The following FMN1 variants were observed in gnomAD, a reference collection of about 807,000 sequenced individuals.
FMN1 encodes formin 1.
In FMN1, 110 loss-of-function variants were observed where a neutral mutation model predicts 132.4. The observed-to-expected ratio is 0.83, with a 90% CI of 0.71 to 0.97. The LOEUF (loss-of-function observed/expected upper bound fraction) is 0.97, where lower values mean the gene tolerates loss of function less well. FMN1 is among the 50% of genes least tolerant of loss of function. FMN1 has a pLI of 0.00. For synonymous variants in FMN1, 722 were observed against 651.7 expected (o/e 1.11, Z -1.64); for missense variants, 1,792 against 1,705.3 (o/e 1.05, Z -0.90).
At chr15:32,948,402 G>A (rs1465052217) in intron 9 of FMN1, among the ~76,000 whole-genome samples, 3 of 151,804 alleles carry the variant, frequency 2.0e-5, no homozygotes, top group Non-Finnish European at 4.4e-5. Flanking sequence ...GCCCTTGTCT[G>A]GTTGTGCTAT....
Position 32,886,574 on chromosome 15 carries a change from C to T in FMN1, c.3835+1598G>A, listed in dbSNP as rs77978584. Among the ~76,000 whole-genome samples, 945 of 152,232 alleles carry T rather than the reference C, an allele frequency of 6.2e-3. 12 individuals carry two copies. Among genetic ancestry groups the T allele is most frequent in the African/African-American group, 0.022 (900 of 41,544 alleles). On this transcript the variant is annotated intron_variant, in intron 16 of 20. Coordinates refer to ENST00000616417, the MANE Select transcript of FMN1 (RefSeq NM_001277313.2). ...TATCCTCTTGCTATTTATCATCAAA[C>T]GTACAGGGACGTCAAAGTGAGGCAG...
intron 4 of FMN1, among the ~76,000 whole-genome samples, chr15:33,139,567 G>A (rs1261176051): frequency 6.6e-6 from 1 of 152,188 alleles, no homozygotes; most frequent in Non-Finnish European, 1.5e-5. Context: ...CTCCAGCCAG[G>A]GCGACAGAGC....
At chr15:32,815,143 C>A (rs552898417) in intron 17 of FMN1, among the ~76,000 whole-genome samples, 1 of 152,068 alleles carries the variant, frequency 6.6e-6, no homozygotes, top group Admixed American at 6.6e-5. Flanking sequence ...GGGGTTTCCC[C>A]GTGTTAGCCA....
chr15:32,821,026 GATT>G (rs746777817), intron 17 of FMN1, among the ~76,000 whole-genome samples: 96 of 150,812 alleles, frequency 6.4e-4, no homozygotes, highest in South Asian at 2.3e-3. Flanking sequence ...TTGTCCTTTA[GATT>G]ATTATTTGAA....
At chr15:33,013,868 A>C (rs1209058696) in intron 6 of FMN1, among the ~76,000 whole-genome samples, 1 of 152,236 alleles carries the variant, frequency 6.6e-6, no homozygotes, top group Non-Finnish European at 1.5e-5. Flanking sequence ...CTACATTCTA[A>C]ATAGAAATTA....
intron 6 of FMN1, among the ~76,000 whole-genome samples, chr15:33,023,736 CA>C (rs1351116180): frequency 2.0e-5 from 3 of 151,824 alleles, no homozygotes; most frequent in African/African-American, 4.8e-5. Context: ...AAAAAAATAC[CA>C]AAAAATAGAG....
At chr15:33,148,149 T>A (rs1204480047) in intron 4 of FMN1, among the ~76,000 whole-genome samples, 1 of 152,204 alleles carries the variant, frequency 6.6e-6, no homozygotes, top group Non-Finnish European at 1.5e-5. Context: ...TATACCCATA[T>A]ACCACATAAA....
intron 7 of FMN1, among the ~76,000 whole-genome samples, chr15:32,978,319 T>C (rs982408145): frequency 6.6e-6 from 1 of 152,224 alleles, no homozygotes; most frequent in African/African-American, 2.4e-5. Context: ...AACAAAATTG[T>C]AGCCAGAGTG....
In FMN1 at chr15:33,064,993, T is replaced by C. The variant is rs767047762; in HGVS notation, c.2125A>G (p.Thr709Ala). The change falls in exon 6 of 21, where the codon ACA becomes GCA. Residue 709 changes from threonine (T) to alanine (A), a missense_variant. Physicochemically the swap from Thr to Ala is moderately conservative, Grantham distance 58. Around this residue, in one of 3 missense-constraint regions of FMN1, gnomAD observed 1,150 missense variants for 1,043.1 expected, o/e 1.10. Coordinates refer to ENST00000616417, the MANE Select transcript of FMN1 (RefSeq NM_001277313.2). The stretch of plus-strand genomic sequence containing the variant: ...TACTTCAGTCCCACTTTTTCTTCTG[T>C]GTCTTTTGTCTTTGGGGGTGGCCAG... ...AVWPPPKTKD[T>A]EEKVGLKYTE... 1.2e-6 allele frequency: 2 copies of C among 1,612,262 alleles called. No individual in the cohort carries two copies. Among genetic ancestry groups the C allele is most frequent in the South Asian group, 1.1e-5 (1 of 90,560 alleles).
At chr15:33,118,022 T>C (rs1468889276) in intron 4 of FMN1, among the ~76,000 whole-genome samples, 1 of 152,182 alleles carries the variant, frequency 6.6e-6, no homozygotes, top group East Asian at 1.9e-4. Flanking sequence ...AATGATATAG[T>C]GTGTTGTGAA....
At chr15:32,870,337 T>C (rs1275191167) in intron 16 of FMN1, among the ~76,000 whole-genome samples, 1 of 152,178 alleles carries the variant, frequency 6.6e-6, no homozygotes, top group Non-Finnish European at 1.5e-5. Flanking sequence ...GAATGTTCCA[T>C]AAAAATAAAC....
At chr15:32,926,063 T>C in intron 10 of FMN1, 111 bp downstream of exon 10, 1 of 664,196 alleles carries the variant, frequency 1.5e-6, no homozygotes, top group South Asian at 1.9e-5. Flanking sequence ...GAGTATTGGG[T>C]ATATAGGATT....
chr15:32,780,265 G>A (rs1266387991), intron 19 of FMN1, among the ~76,000 whole-genome samples: 1 of 152,136 alleles, frequency 6.6e-6, no homozygotes, highest in Non-Finnish European at 1.5e-5. Context: ...GAGACATGAG[G>A]TCAGCACAAG....
At chr15:32,795,728 T>C (rs2057267026) in intron 19 of FMN1, among the ~76,000 whole-genome samples, 1 of 152,072 alleles carries the variant, frequency 6.6e-6, no homozygotes, top group Non-Finnish European at 1.5e-5. Flanking sequence ...GAAAGATGAG[T>C]CCTGATACCA....
chr15:33,018,933 T>C (rs1460302183), intron 6 of FMN1, among the ~76,000 whole-genome samples: 2 of 152,144 alleles, frequency 1.3e-5, no homozygotes, highest in Non-Finnish European at 1.5e-5. Flanking sequence ...CAGACCTTCC[T>C]GGTGAGTGTT....
chr15:32,827,918 TAAG>T (rs1394347950), intron 17 of FMN1, among the ~76,000 whole-genome samples: 2 of 151,714 alleles, frequency 1.3e-5, no homozygotes, highest in Non-Finnish European at 2.9e-5. Context: ...GTGACTAACT[TAAG>T]AACATGAAGT....
At chr15:33,127,827 C>A (rs1963245524) in intron 4 of FMN1, among the ~76,000 whole-genome samples, 1 of 152,186 alleles carries the variant, frequency 6.6e-6, no homozygotes, top group Non-Finnish European at 1.5e-5. Context: ...CCTCAGTCTC[C>A]CTGAAAAATT....
At chr15:32,831,171 T>C (rs957614051) in intron 17 of FMN1, among the ~76,000 whole-genome samples, 1 of 152,166 alleles carries the variant, frequency 6.6e-6, no homozygotes, top group Admixed American at 6.5e-5. Flanking sequence ...AGATATTACT[T>C]AGTATCAAAC....
At chr15:33,071,008 A>C (rs1323320382) in intron 5 of FMN1, among the ~76,000 whole-genome samples, 2 of 152,168 alleles carry the variant, frequency 1.3e-5, no homozygotes, top group Non-Finnish European at 2.9e-5. Context: ...CACTCTTCGA[A>C]AGCCCAGAGG....
Sources: gnomAD v4.1 joint callset for allele counts (sites outside exome capture counted in the v4.1 genomes callset) on GRCh38, gnomAD v4.1.1 for gene constraint, gnomAD v4.1.1 regional missense constraint, MANE v1.5 for transcripts, NCBI Gene and HGNC (gene_info 2026-07-23, HGNC 2026-07-21) for gene names.